The following MSR1 variants were observed in gnomAD, a reference collection of about 807,000 sequenced individuals.
MSR1 encodes the protein macrophage scavenger receptor types I and II.
A neutral mutation model predicts 47.2 loss-of-function variants in MSR1; 53 were observed. That is an observed-to-expected ratio of 1.12 (90% CI 0.90 to 1.41). The LOEUF (loss-of-function observed/expected upper bound fraction) is 1.41. Ranked by LOEUF, MSR1 falls within the 40% of genes most tolerant of loss-of-function variation. The probability of loss-of-function intolerance (pLI) is 0.00; values close to 1 mark genes in which losing one functional copy is unlikely to be tolerated. For missense variants in MSR1, 786 were observed against 546.9 expected (o/e 1.44, Z -4.36); for synonymous variants, 239 against 185.6 (o/e 1.29, Z -2.34).
intron 1 of MSR1, among the ~76,000 whole-genome samples, chr8:16,187,377 A>AAAAAAAAAAAAAG: frequency 7.1e-6 from 1 of 141,394 alleles, no homozygotes; most frequent in African/African-American, 2.5e-5. Flanking sequence ...AAAAAAAAAA[A>AAAAAAAAAAAAAG]AAAAAAAAAA....
At chr8:16,141,263 C>T (rs1019913900) in intron 8 of MSR1, among the ~76,000 whole-genome samples, 1 of 152,052 alleles carries the variant, frequency 6.6e-6, no homozygotes, top group Non-Finnish European at 1.5e-5. Context: ...TGTATGTAAC[C>T]TTTGAACCAT....
rs186016259 is a variant in MSR1 at position 16,108,943 on chromosome 8, G to C, written c.*1142C>G. 2.6e-5 allele frequency: 4 copies of C among 152,142 alleles called. No individual in the cohort carries two copies. In the East Asian group the frequency reaches 7.7e-4, roughly 29 times the overall value. The allele number at this position is 152,142 out of a possible 1,614,324, so 9.4% of individuals were successfully genotyped here. On this transcript the variant is annotated 3_prime_UTR_variant, in exon 10 of 10. Coordinates refer to ENST00000262101, the MANE Select transcript of MSR1 (RefSeq NM_138715.3). ...TGTGAATTAGTCATAGGAAACTTCA[G>C]AATTCTGTTATTTTCAGGGCTGAGG...
At chr8:16,140,074 G>T (rs775236674) in intron 8 of MSR1, 102 of 657,240 alleles carry the variant, frequency 1.6e-4, no homozygotes, top group Non-Finnish European at 1.8e-4. Flanking sequence ...GTACATAATG[G>T]ACATGTGAAT....
intron 1 of MSR1, among the ~76,000 whole-genome samples, chr8:16,182,881 T>G (rs975269513): frequency 4.6e-5 from 7 of 152,040 alleles, no homozygotes; most frequent in African/African-American, 1.7e-4. Context: ...CATAAACCAT[T>G]AACATTTATT....
rs1799920344 is a variant in MSR1, at chr8:16,118,164, A to T, written c.1222+2254T>A. Among the ~76,000 whole-genome samples the T allele has an allele frequency of 2.6e-5, 4 of 152,122 alleles. No individual in the cohort carries two copies. The South Asian group carries it at 8.3e-4, about 32-fold the overall frequency. ...CTTGTCTGCATTGATTATATTATCT[A>T]AATAACTGGCAAATTTTATACTTCA... On this transcript the variant is annotated intron_variant, in intron 9 of 9. Coordinates refer to ENST00000262101, the MANE Select transcript of MSR1 (RefSeq NM_138715.3).
chr8:16,141,511 A>G (rs1336931405), intron 8 of MSR1, among the ~76,000 whole-genome samples: 2 of 152,192 alleles, frequency 1.3e-5, no homozygotes, highest in Non-Finnish European at 2.9e-5. Flanking sequence ...TGGACAGATG[A>G]CTGACATATT....
chr8:16,111,114 G>C (rs901956504), intron 9 of MSR1, among the ~76,000 whole-genome samples: 1 of 152,172 alleles, frequency 6.6e-6, no homozygotes, highest in African/African-American at 2.4e-5. Flanking sequence ...GAGCATGTTT[G>C]TATGTGTATA....
intron 3 of MSR1, among the ~76,000 whole-genome samples, chr8:16,170,416 A>T (rs1801450308): frequency 6.6e-6 from 1 of 152,056 alleles, no homozygotes; most frequent in African/African-American, 2.4e-5. Context: ...TCTTATCACT[A>T]TTCAGTCATG....
At chr8:16,130,023 A>G (rs1253132058) in intron 8 of MSR1, among the ~76,000 whole-genome samples, 2 of 152,190 alleles carry the variant, frequency 1.3e-5, no homozygotes, top group Non-Finnish European at 2.9e-5. Flanking sequence ...ATTCCTGCAC[A>G]TAATTGCATG....
At chr8:16,177,805 T>G in intron 2 of MSR1, 81 bp downstream of exon 2, 4 of 1,076,156 alleles carry the variant, frequency 3.7e-6, no homozygotes, top group Non-Finnish European at 5.7e-6. Flanking sequence ...ACATTTAAGG[T>G]AAGTCTCAAG....
At chr8:16,116,595 A>T (rs964468) in intron 9 of MSR1, among the ~76,000 whole-genome samples, 6 of 152,072 alleles carry the variant, frequency 3.9e-5, no homozygotes, top group East Asian at 1.9e-4. Context: ...ATTTAAGTTT[A>T]AAAAAAACCA....
chr8:16,170,382 G>C (rs351570), intron 3 of MSR1, among the ~76,000 whole-genome samples: 150,813 of 151,884 alleles, frequency 0.99, 74,877 homozygotes, highest in East Asian at 1. Context: ...TAATTATAGA[G>C]AATGAGGAAA....
chr8:16,117,056 C>A (rs1799891208), intron 9 of MSR1, among the ~76,000 whole-genome samples: 1 of 152,044 alleles, frequency 6.6e-6, no homozygotes, highest in African/African-American at 2.4e-5. Context: ...AGCAGGGGTC[C>A]CCAGCCCACA....
rs901307124 is a variant in MSR1 at position 16,164,649 on chromosome 8, T to G, written c.631-398A>C. On this transcript the variant is annotated intron_variant, in intron 4 of 9. Coordinates refer to ENST00000262101, the MANE Select transcript of MSR1 (RefSeq NM_138715.3). ...TCAAATTTCGTGAATTTGATAGATT[T>G]ATATTGGAAATTGTTTTATAGTAAT... 1.9e-4 allele frequency among the ~76,000 whole-genome samples: 29 copies of G among 152,148 alleles called. No individual in the cohort carries two copies. The East Asian group carries it at 4.3e-3, about 22-fold the overall frequency.
At chr8:16,115,604 C>A (rs1308051930) in intron 9 of MSR1, among the ~76,000 whole-genome samples, 1 of 152,236 alleles carries the variant, frequency 6.6e-6, no homozygotes, top group East Asian at 1.9e-4. Context: ...TCTCTCAGCT[C>A]ATTTTGCTTT....
chr8:16,125,496 A>G (rs903096156), intron 8 of MSR1, among the ~76,000 whole-genome samples: 3 of 152,276 alleles, frequency 2.0e-5, no homozygotes, highest in African/African-American at 7.2e-5. Flanking sequence ...TGTTCATTCT[A>G]TAGTTTAACT....
chr8:16,147,364 T>C (rs1800729354), intron 7 of MSR1, among the ~76,000 whole-genome samples: 1 of 152,060 alleles, frequency 6.6e-6, no homozygotes, highest in Non-Finnish European at 1.5e-5. Context: ...TTAATCCATG[T>C]AGAAGGAAAG....
chr8:16,147,594 C>A (rs1472878193), intron 7 of MSR1, among the ~76,000 whole-genome samples: 1 of 152,080 alleles, frequency 6.6e-6, no homozygotes, highest in Admixed American at 6.6e-5. Context: ...TTATCTATCA[C>A]GGACCTGTTT....
intron 3 of MSR1, among the ~76,000 whole-genome samples, chr8:16,171,022 G>A (rs944989833): frequency 1.3e-5 from 2 of 151,598 alleles, no homozygotes; most frequent in Admixed American, 6.6e-5. Context: ...TCAGGAGTTC[G>A]AGACCAGCCT....
Sources: allele counts gnomAD v4.1 joint callset (sites outside exome capture counted in the v4.1 genomes callset), GRCh38; gene constraint gnomAD v4.1.1; transcripts MANE v1.5; gene names NCBI Gene and HGNC (gene_info 2026-07-23, HGNC 2026-07-21).